The following OGN variants were observed in gnomAD, a reference collection of about 807,000 sequenced individuals.
OGN encodes the protein mimecan.
A neutral mutation model predicts 30.8 loss-of-function variants in OGN; 19 were observed. The observed-to-expected ratio is 0.62, with a 90% CI of 0.43 to 0.90. The LOEUF (loss-of-function observed/expected upper bound fraction) is 0.90. Ranked by LOEUF, OGN falls within the 40% of genes least tolerant of loss-of-function variation. The pLI is 0.00. For synonymous variants in OGN, 126 were observed against 128.3 expected (o/e 0.98, Z 0.12); for missense variants, 283 against 349.7 (o/e 0.81, Z 1.52).
At chr9:92,397,827 TA>T in intron 3 of OGN, among the ~76,000 whole-genome samples, 1 of 152,320 alleles carries the variant, frequency 6.6e-6, no homozygotes, top group Non-Finnish European at 1.5e-5. Context: ...ACATATACAA[TA>T]TACATGCATA....
At chr9:92,387,047 C>CAA (rs1842455261) in intron 5 of OGN, among the ~76,000 whole-genome samples, 1 of 63,876 alleles carries the variant, frequency 1.6e-5, no homozygotes, top group African/African-American at 6.2e-5. Flanking sequence ...GACTCTGTCT[C>CAA]AAAAAGAAAA....
chr9:92,389,705 G>A, intron 5 of OGN, 149 bp downstream of exon 5: 2 of 584,028 alleles, frequency 3.4e-6, no homozygotes, highest in Non-Finnish European at 3.0e-6. Context: ...AGCCTAATAG[G>A]ATGGTTATTT....
chr9:92,397,063 G>A (rs1296976706), intron 3 of OGN, among the ~76,000 whole-genome samples: 1 of 151,720 alleles, frequency 6.6e-6, no homozygotes, highest in Non-Finnish European at 1.5e-5. Flanking sequence ...TGTAGTCCCA[G>A]CTACTTGGGA....
chr9:92,401,701 C>G (rs1464172085), intron 2 of OGN, among the ~76,000 whole-genome samples: 1 of 152,174 alleles, frequency 6.6e-6, no homozygotes, highest in Non-Finnish European at 1.5e-5. Flanking sequence ...TAAGCCCTGG[C>G]TCTTGGATCC....
chr9:92,387,695 C>T (rs1842491373), intron 5 of OGN, among the ~76,000 whole-genome samples: 1 of 152,252 alleles, frequency 6.6e-6, no homozygotes, highest in East Asian at 1.9e-4. Context: ...GTAGAATAAC[C>T]TAATTCTACT....
chr9:92,389,185 A>G (rs1487528158), intron 5 of OGN, among the ~76,000 whole-genome samples: 1 of 152,206 alleles, frequency 6.6e-6, no homozygotes, highest in Non-Finnish European at 1.5e-5. Flanking sequence ...TATCTGGGGA[A>G]TGATTACATC....
intron 3 of OGN, among the ~76,000 whole-genome samples, chr9:92,398,747 T>G (rs1195725555): frequency 2.6e-5 from 4 of 152,234 alleles, no homozygotes; most frequent in Non-Finnish European, 5.9e-5. Context: ...TGCATTTGTA[T>G]TTTATTTTGG....
chr9:92,384,131 G>A lies in OGN; in HGVS notation c.*1489C>T, dbSNP rs1319862138. The A allele has an allele frequency of 6.6e-6, 1 of 152,130 alleles. No homozygotes were observed. The highest frequency in any genetic ancestry group is 2.4e-5 in the African/African-American group (1 of 41,460). The allele number at this position is 152,130 out of a possible 1,614,324, so 9.4% of individuals were successfully genotyped here. On this transcript the variant is annotated 3_prime_UTR_variant, in exon 7 of 7. Coordinates refer to ENST00000375561, the MANE Select transcript of OGN (RefSeq NM_014057.5). ...GGCATGCACACAAAATAACGAGAAA[G>A]TAGTATAATAGCTGTGATCATTAGT...
intron 3 of OGN, among the ~76,000 whole-genome samples, chr9:92,393,819 A>G (rs777898257): frequency 8.1e-4 from 122 of 151,374 alleles, no homozygotes; most frequent in Non-Finnish European, 1.3e-3. Context: ...TTTTCAGGGC[A>G]TTTATTCTGC....
In OGN at chr9:92,390,447, T is replaced by C. The variant is rs116905925; in HGVS notation, c.428-391A>G. On this transcript the variant is annotated intron_variant, in intron 4 of 6. Transcript: ENST00000375561. The stretch of plus-strand genomic sequence containing the variant: ...TTATTTTTTTGCTGGCATGTTGCGT[T>C]GTGATTCTGAGTATGTTATCTTAAT... Among the ~76,000 whole-genome samples, 106 of 152,332 alleles carry C rather than the reference T, an allele frequency of 7.0e-4. No homozygotes were observed. In the East Asian group the frequency reaches 0.019, roughly 27 times the overall value.
At position 92,404,500 on chromosome 9, in the gene OGN, G is replaced by A. The variant is rs1166236498; in HGVS notation, c.-80C>T. The A allele has an allele frequency of 7.8e-6, 10 of 1,289,904 alleles. No individual in the cohort carries two copies. The highest frequency in any genetic ancestry group is 1.0e-5 in the Non-Finnish European group (10 of 984,722). The allele number at this position is 1,289,904 out of a possible 1,614,324, so 79.9% of individuals were successfully genotyped here. On this transcript the variant is annotated 5_prime_UTR_variant, in exon 1 of 7. Coordinates refer to ENST00000375561, the MANE Select transcript of OGN (RefSeq NM_014057.5). ...ATATATGAAAAGTAAGCCTACCGTT[G>A]TAGCTGTTTTGAAGTTTTTTGTGGT...
At chr9:92,393,282 G>A (rs763844419) in intron 3 of OGN, 38 bp from the exon 4 acceptor site, 14 of 1,503,854 alleles carry the variant, frequency 9.3e-6, no homozygotes, top group Admixed American at 6.0e-5. Context: ...ATGAACAATC[G>A]TTTGAAAATA....
chr9:92,399,634 A>T (rs932749317), intron 3 of OGN, among the ~76,000 whole-genome samples: 18 of 152,264 alleles, frequency 1.2e-4, no homozygotes, highest in Middle Eastern at 6.8e-3. Flanking sequence ...TAGTACTTGT[A>T]CGATTTCATT....
At position 92,403,367 on chromosome 9, in the gene OGN, A is replaced by T; in HGVS notation, c.41T>A (p.Val14Glu). ...LQSTLLLLLL[V>E]PLIKPAPPTQ... ...TGGTGGTGCTGGCTTTATCAGAGGC[A>T]CAAGCAGTAACAGGAGAAGTGTAGA... The change falls in exon 2 of 7, where the codon GTG (valine) becomes GAG (glutamate). Residue 14 changes from valine (V) to glutamate (E), a missense_variant. Val to Glu is a moderately radical substitution (Grantham distance 121, BLOSUM62 -2). Transcript: ENST00000375561. 6.2e-7 allele frequency: 1 copy of T among 1,613,268 alleles called. No individual in the cohort carries two copies. Among genetic ancestry groups the T allele is most frequent in the Non-Finnish European group, 8.5e-7 (1 of 1,179,486 alleles).
At position 92,393,157 on chromosome 9, in the gene OGN, T is replaced by G; in HGVS notation, c.356A>C (p.Lys119Thr). The G allele has an allele frequency of 6.2e-7, 1 of 1,613,982 alleles. No homozygotes were observed. The highest frequency in any genetic ancestry group is 8.5e-7 in the Non-Finnish European group (1 of 1,179,900). Residue 119 changes from lysine (K) to threonine (T), a missense_variant, in exon 4 of 7, where the codon AAG (lysine) becomes ACG (threonine). Lys to Thr is a moderately conservative substitution (Grantham distance 78, BLOSUM62 -1). Coordinates refer to ENST00000375561, the MANE Select transcript of OGN (RefSeq NM_014057.5). ...VDIDAVPPLP[K>T]ESAYLYARFN... Reference sequence around the variant, plus strand: ...TCGTGCGTAAAGATAGGCTGATTCCTTTGGTAAGGGTGGTACAGCATCAAT... The same window carrying G: ...TCGTGCGTAAAGATAGGCTGATTCCGTTGGTAAGGGTGGTACAGCATCAAT...
At chr9:92,390,587 T>TGTGTGTGTGTGTGCGC (rs749697394) in intron 4 of OGN, among the ~76,000 whole-genome samples, 3 of 141,814 alleles carry the variant, frequency 2.1e-5, no homozygotes, top group Non-Finnish European at 4.7e-5. Flanking sequence ...TGTGTGTGTG[T>TGTGTGTGTGTGTGCGC]GCGCGCGCGC....
chr9:92,391,972 G>A (rs1842705509), intron 4 of OGN, among the ~76,000 whole-genome samples: 1 of 151,766 alleles, frequency 6.6e-6, no homozygotes, highest in South Asian at 2.1e-4. Flanking sequence ...CCTGGTTATG[G>A]TTAGTCTCAT....
At chr9:92,400,552 T>C (rs938623250) in intron 3 of OGN, among the ~76,000 whole-genome samples, 6 of 152,260 alleles carry the variant, frequency 3.9e-5, no homozygotes, top group South Asian at 2.1e-4. Flanking sequence ...TTTAGAAATA[T>C]AGAAATTAAT....
chr9:92,396,086 G>T (rs189083768), intron 3 of OGN, among the ~76,000 whole-genome samples: 5 of 152,064 alleles, frequency 3.3e-5, no homozygotes, highest in African/African-American at 9.7e-5. Flanking sequence ...TCCTACAGTT[G>T]TCTGGTTCTT....
Sources: gnomAD v4.1 joint callset for allele counts (sites outside exome capture counted in the v4.1 genomes callset) on GRCh38, gnomAD v4.1.1 for gene constraint, MANE v1.5 for transcripts, NCBI Gene and HGNC (gene_info 2026-07-23, HGNC 2026-07-21) for gene names.